PRCC: variants seen among roughly 807,000 people sequenced by gnomAD.
The protein encoded by PRCC is proline rich mitotic checkpoint control factor, also known as proline-rich protein PRCC.
PRCC carries 10 observed loss-of-function variants against 44.0 expected under a neutral mutation model. The ratio of observed to expected loss-of-function variants is 0.23; its 90% CI spans 0.14 to 0.39. The LOEUF (loss-of-function observed/expected upper bound fraction) is 0.39. Among genes scored for constraint, PRCC ranks in the 10% least tolerant of loss-of-function variants. The pLI is 1.00. For synonymous variants in PRCC, 278 were observed against 259.5 expected (o/e 1.07, Z -0.69); for missense variants, 573 against 624.7 (o/e 0.92, Z 0.88).
At chr1:156,779,118 ATATATATATATTTTTTTTTTTTTTTT>A (rs1209909846) in intron 1 of PRCC, among the ~76,000 whole-genome samples, 5 of 19,094 alleles carry the variant, frequency 2.6e-4, no homozygotes, top group African/African-American at 1.1e-3. Flanking sequence ...ATATATATAT[ATATATATATATTTTTTTTTTTTTTTT>A]TTTTTTTTTT....
Position 156,768,113 on chromosome 1 carries a change from G to T in PRCC, c.342G>T (p.Ser114=), listed in dbSNP as rs764938721. 15 of 1,578,568 alleles carry T rather than the reference G, an allele frequency of 9.5e-6. No individual in the cohort carries two copies. In the South Asian group the frequency reaches 1.4e-4, roughly 15 times the overall value. ...AGGGACTGGGATTGGGGTTGCCCTC[G>T]CCCCGAGGCCCTGGCCTCAATCTGC... ...VGEGLGLGLP[S]PRGPGLNLPP... is the part of the protein sequence containing the mutation. Residue 114 remains serine, a synonymous_variant, in exon 1 of 7, where the codon TCG becomes TCT. Transcript: ENST00000271526.
chr1:156,775,166 T>C (rs1651777839), intron 1 of PRCC, among the ~76,000 whole-genome samples: 1 of 151,888 alleles, frequency 6.6e-6, no homozygotes. Flanking sequence ...GAGAATGGTG[T>C]GAACCCGGGA....
At chr1:156,783,163 C>T (rs1260842308) in intron 2 of PRCC, among the ~76,000 whole-genome samples, 1 of 152,116 alleles carries the variant, frequency 6.6e-6, no homozygotes, top group Non-Finnish European at 1.5e-5. Context: ...CTCGGCCTCT[C>T]CAAAGTGCTG....
In PRCC at chr1:156,800,566, C is replaced by T. The variant is rs1242899012; in HGVS notation, c.*106C>T. The T allele has an allele frequency of 1.7e-6, 2 of 1,169,022 alleles. No homozygotes were observed. The highest frequency in any genetic ancestry group is 1.9e-5 in the Admixed American group (1 of 52,490). 72.4% of individuals were successfully genotyped at this position (1,169,022 alleles called of 1,614,324 possible). On this transcript the variant is annotated 3_prime_UTR_variant, in exon 7 of 7. Coordinates refer to ENST00000271526, the MANE Select transcript of PRCC (RefSeq NM_005973.5). ...GCTCTAAGCCCAGGATCTCTTTCCC[C>T]AAGGACCCAGCCCTCGCCTCTGCGA...
At position 156,787,087 on chromosome 1, in the gene PRCC, C is replaced by T. The variant is rs780458619; in HGVS notation, c.996C>T (p.Ala332=). 6.9e-5 allele frequency: 112 copies of T among 1,614,086 alleles called. No homozygotes were observed. Among genetic ancestry groups the T allele is most frequent in the Non-Finnish European group, 9.4e-5 (111 of 1,179,992 alleles). ...AGATGGCAGCAGGTTCAAGTGGGGC[C>T]CCTTGGATGCCTAAGCCTGGGGACG... ...EFKMAAGSSG[A]PWMPKPGDDY... is the part of the protein sequence containing the mutation. The change falls in exon 3 of 7, where the codon GCC becomes GCT. Residue 332 remains alanine, a synonymous_variant. Transcript: ENST00000271526.
chr1:156,781,165 T>C (rs1652036835), intron 1 of PRCC, among the ~76,000 whole-genome samples: 1 of 152,238 alleles, frequency 6.6e-6, no homozygotes, highest in Non-Finnish European at 1.5e-5. Flanking sequence ...TGGTCCAGAC[T>C]GAGACTAGTG....
rs1652689146 is a variant in PRCC, at chr1:156,797,271, T to G, written c.1324-5T>G. On this transcript the variant is annotated splice_region_variant and splice_polypyrimidine_tract_variant and intron_variant, in intron 5 of 6. Coordinates refer to ENST00000271526, the MANE Select transcript of PRCC (RefSeq NM_005973.5). ...GATTAATGAATATGTTTTCTTCTCT[T>G]GCAGAAGAAAGGTGAGCAGCCAACA... is the stretch of plus-strand genomic sequence containing the variant. 6.2e-7 allele frequency: 1 copy of G among 1,613,986 alleles called. No individual in the cohort carries two copies. Among genetic ancestry groups the G allele is most frequent in the African/African-American group, 1.3e-5 (1 of 74,926 alleles).
chr1:156,774,021 C>T (rs1339525353), intron 1 of PRCC, among the ~76,000 whole-genome samples: 4 of 151,526 alleles, frequency 2.6e-5, no homozygotes, highest in South Asian at 2.1e-4. Flanking sequence ...TTTATAGTTG[C>T]GCTTATATGA....
At chr1:156,790,143 C>G (rs1219970050) in intron 3 of PRCC, among the ~76,000 whole-genome samples, 3 of 152,224 alleles carry the variant, frequency 2.0e-5, no homozygotes, top group East Asian at 1.9e-4. Context: ...CTGTGATTCT[C>G]TGAATGGTCA....
chr1:156,782,317 A>G lies in PRCC; in HGVS notation c.504A>G (p.Lys168=), dbSNP rs1197118494. 15 of 1,607,516 alleles carry G rather than the reference A, an allele frequency of 9.3e-6. No homozygotes were observed. In the Middle Eastern group the frequency reaches 6.6e-4, roughly 71 times the overall value. ...DSEEDEPTKK[K]TILQGSSEGT... ...AGGAAGATGAACCCACAAAGAAGAA[A>G]ACTATCCTTCAGGTAAGCATTGTGA... Residue 168 remains lysine (K), a synonymous_variant, in exon 2 of 7, where the codon AAA becomes AAG. Coordinates refer to ENST00000271526, the MANE Select transcript of PRCC (RefSeq NM_005973.5).
At chr1:156,783,221 C>T (rs1652110941) in intron 2 of PRCC, among the ~76,000 whole-genome samples, 1 of 152,080 alleles carries the variant, frequency 6.6e-6, no homozygotes, top group Non-Finnish European at 1.5e-5. Context: ...ACTGTTGAGT[C>T]CAAGCTCTTA....
At chr1:156,793,695 G>A (rs995920361) in intron 4 of PRCC, among the ~76,000 whole-genome samples, 2 of 152,120 alleles carry the variant, frequency 1.3e-5, no homozygotes, top group African/African-American at 4.8e-5. Flanking sequence ...AAATCCTGGA[G>A]TTCTGTGTTT....
chr1:156,784,852 A>AT (rs1421814333), intron 2 of PRCC, among the ~76,000 whole-genome samples: 2 of 152,202 alleles, frequency 1.3e-5, no homozygotes, highest in Non-Finnish European at 2.9e-5. Flanking sequence ...AATCTGAGAG[A>AT]TTCTTTTGGG....
intron 4 of PRCC, 96 bp from the exon 5 acceptor site, chr1:156,794,569 T>C: frequency 1.4e-6 from 2 of 1,452,142 alleles, no homozygotes; most frequent in Non-Finnish European, 1.9e-6. Flanking sequence ...TTGGGATTGG[T>C]GAGTCACAAA....
chr1:156,786,333 G>C (rs761496676), intron 2 of PRCC, among the ~76,000 whole-genome samples: 1 of 152,130 alleles, frequency 6.6e-6, no homozygotes, highest in Non-Finnish European at 1.5e-5. Flanking sequence ...GTTGAGGAAG[G>C]CTCGCTCTGT....
chr1:156,771,366 T>A (rs1449952872), intron 1 of PRCC, among the ~76,000 whole-genome samples: 1 of 152,198 alleles, frequency 6.6e-6, no homozygotes, highest in African/African-American at 2.4e-5. Flanking sequence ...AAGAATTCTC[T>A]GATCACAGAG....
chr1:156,775,575 A>G lies in PRCC; in HGVS notation c.469-6707A>G, dbSNP rs1651798663. On this transcript the variant is annotated intron_variant, in intron 1 of 6. Coordinates refer to ENST00000271526, the MANE Select transcript of PRCC (RefSeq NM_005973.5). ...GCCCAGGCTGGAGTGCAGTGGTGCAATCTCAGCTCACTGCAACCGCCGCCT... is the reference window on the plus strand; with the variant it reads ...GCCCAGGCTGGAGTGCAGTGGTGCAGTCTCAGCTCACTGCAACCGCCGCCT... Among the ~76,000 whole-genome samples, 2 of 151,006 alleles carry G rather than the reference A, an allele frequency of 1.3e-5. 1 individual carries two copies. The highest frequency in any genetic ancestry group is 1.3e-4 in the Admixed American group (2 of 15,182).
chr1:156,780,009 G>C (rs2102759732), intron 1 of PRCC, among the ~76,000 whole-genome samples: 1 of 151,996 alleles, frequency 6.6e-6, no homozygotes, highest in African/African-American at 2.4e-5. Context: ...TTGTACCTCA[G>C]CCTCCCGAGA....
Position 156,767,545 on chromosome 1 carries a change from T to A in PRCC, c.-227T>A. The stretch of plus-strand genomic sequence containing the variant: ...GCGGAGTGACTCGGCGGCCATTAGC[T>A]GTGTGTAGTTGCCCGGGACTAGGAG... On this transcript the variant is annotated 5_prime_UTR_variant, in exon 1 of 7. Transcript: ENST00000271526. The A allele has an allele frequency of 1.8e-6, 1 of 557,416 alleles. No individual in the cohort carries two copies. Among genetic ancestry groups the A allele is most frequent in the Admixed American group, 3.4e-5 (1 of 29,400 alleles). 34.5% of individuals were successfully genotyped at this position (557,416 alleles called of 1,614,324 possible).
Sources: allele counts gnomAD v4.1 joint callset (sites outside exome capture counted in the v4.1 genomes callset), GRCh38; gene constraint gnomAD v4.1.1; transcripts MANE v1.5; gene names NCBI Gene and HGNC (gene_info 2026-07-23, HGNC 2026-07-21).